NOVA1: variants seen among roughly 807,000 people sequenced by gnomAD.
NOVA1 encodes the protein NOVA alternative splicing regulator 1, also known as RNA-binding protein Nova-1.
NOVA1 carries 7 observed loss-of-function variants against 38.0 expected under a neutral mutation model. That is an observed-to-expected ratio of 0.18 (90% CI 0.10 to 0.35). The LOEUF (loss-of-function observed/expected upper bound fraction) is 0.35, where lower values mean the gene tolerates loss of function less well. Ranked by LOEUF, NOVA1 falls within the 10% of genes least tolerant of loss-of-function variation. NOVA1 has a pLI of 1.00. For missense variants in NOVA1, 460 were observed against 616.0 expected (o/e 0.75, Z 2.68); for synonymous variants, 270 against 232.5 (o/e 1.16, Z -1.47).
intron 2 of NOVA1, among the ~76,000 whole-genome samples, chr14:26,497,533 C>T (rs1235453867): frequency 6.6e-6 from 1 of 152,122 alleles, no homozygotes; most frequent in African/African-American, 2.4e-5. Flanking sequence ...TCACATAATG[C>T]TCCCTTACTG....
chr14:26,462,073 GA>G (rs1029496202), intron 4 of NOVA1, among the ~76,000 whole-genome samples: 6 of 151,900 alleles, frequency 3.9e-5, no homozygotes, highest in Admixed American at 6.6e-5. Flanking sequence ...TTGACAAAAA[GA>G]TTTTTTTTTT....
At chr14:26,514,171 T>A (rs1888294182) in intron 2 of NOVA1, among the ~76,000 whole-genome samples, 1 of 151,700 alleles carries the variant, frequency 6.6e-6, no homozygotes, top group Admixed American at 6.6e-5. Context: ...TATATCAAAA[T>A]CATATAGTTA....
intron 2 of NOVA1, among the ~76,000 whole-genome samples, chr14:26,524,539 A>G (rs983359520): frequency 3.3e-5 from 5 of 152,172 alleles, no homozygotes; most frequent in African/African-American, 4.8e-5. Flanking sequence ...GTCACATCAT[A>G]GGGAGATACA....
intron 2 of NOVA1, among the ~76,000 whole-genome samples, chr14:26,594,920 C>G (rs539125553): frequency 1.3e-5 from 2 of 152,090 alleles, no homozygotes; most frequent in Admixed American, 1.3e-4. Context: ...AGAGGCAACA[C>G]TTGTCCTCTT....
intron 4 of NOVA1, among the ~76,000 whole-genome samples, chr14:26,451,471 G>A (rs1316613961): frequency 2.0e-5 from 3 of 152,014 alleles, no homozygotes; most frequent in Non-Finnish European, 4.4e-5. Flanking sequence ...GGGTTCAAGC[G>A]ATTCTCCTGC....
intron 2 of NOVA1, among the ~76,000 whole-genome samples, chr14:26,579,159 G>A (rs993036077): frequency 1.4e-5 from 2 of 139,866 alleles, no homozygotes; most frequent in Non-Finnish European, 3.0e-5. Flanking sequence ...CCAGGTTCAA[G>A]TGACTCTCCC....
At chr14:26,483,072 T>TACAGGCATTG (rs1291466821) in intron 2 of NOVA1, among the ~76,000 whole-genome samples, 1 of 152,196 alleles carries the variant, frequency 6.6e-6, no homozygotes, top group Non-Finnish European at 1.5e-5. Flanking sequence ...CAATGTCAAA[T>TACAGGCATTG]ACAGGCATTG....
chr14:26,561,623 A>C (rs893722996), intron 2 of NOVA1, among the ~76,000 whole-genome samples: 1 of 152,214 alleles, frequency 6.6e-6, no homozygotes, highest in Admixed American at 6.5e-5. Flanking sequence ...GTGACTTACT[A>C]TTATCATAAA....
At chr14:26,492,487 G>A (rs1001243669) in intron 2 of NOVA1, among the ~76,000 whole-genome samples, 4 of 151,958 alleles carry the variant, frequency 2.6e-5, no homozygotes, top group Admixed American at 6.6e-5. Flanking sequence ...TGTTAGCTGC[G>A]GCTTTTCCAT....
At chr14:26,482,555 A>C (rs537132483) in intron 2 of NOVA1, among the ~76,000 whole-genome samples, 10 of 152,320 alleles carry the variant, frequency 6.6e-5, no homozygotes, top group African/African-American at 2.4e-4. Context: ...TTAGTATCTA[A>C]ACTAAACTGC....
chr14:26,516,955 A>C (rs1888515039), intron 2 of NOVA1, among the ~76,000 whole-genome samples: 2 of 144,400 alleles, frequency 1.4e-5, no homozygotes, highest in South Asian at 4.3e-4. Flanking sequence ...GCCCAGGCTA[A>C]AGTGCAGTGG....
At chr14:26,503,847 G>A (rs967715097) in intron 2 of NOVA1, among the ~76,000 whole-genome samples, 1 of 152,036 alleles carries the variant, frequency 6.6e-6, no homozygotes, top group African/African-American at 2.4e-5. Context: ...CATGATGAAT[G>A]AAATGAAAAA....
At chr14:26,538,595 C>T (rs1485677632) in intron 2 of NOVA1, among the ~76,000 whole-genome samples, 1 of 152,088 alleles carries the variant, frequency 6.6e-6, no homozygotes. Context: ...TTTCCTCTCA[C>T]CATTTCTACT....
At position 26,595,693 on chromosome 14, in the gene NOVA1, A is replaced by G. The variant is rs1037102750; in HGVS notation, c.137-140T>C. 7.6e-6 allele frequency: 5 copies of G among 660,024 alleles called. No individual in the cohort carries two copies. In the South Asian group the frequency reaches 1.2e-4, roughly 16 times the overall value. The allele number at this position is 660,024 out of a possible 1,614,324, so 40.9% of individuals were successfully genotyped here. ...AATATGAAGTTAAACATTTTTTGAG[A>G]ATGAAAATAAGCCAATTACATTGAA... is the stretch of plus-strand genomic sequence containing the variant. On this transcript the variant is annotated intron_variant, in intron 1 of 4. Coordinates refer to ENST00000539517, the MANE Select transcript of NOVA1 (RefSeq NM_002515.3).
At chr14:26,479,768 TAATA>T (rs2138291874) in intron 3 of NOVA1, 1 of 468,264 alleles carries the variant, frequency 2.1e-6, no homozygotes, top group Non-Finnish European at 3.7e-6. Flanking sequence ...AATGTAACAC[TAATA>T]AATGAATAAT....
intron 2 of NOVA1, among the ~76,000 whole-genome samples, chr14:26,497,912 A>C (rs1247119839): frequency 6.6e-6 from 1 of 152,208 alleles, no homozygotes; most frequent in East Asian, 1.9e-4. Flanking sequence ...ATATACTGTT[A>C]AGAAAAGAAA....
intron 2 of NOVA1, among the ~76,000 whole-genome samples, chr14:26,526,297 A>G (rs1440589818): frequency 6.6e-6 from 1 of 152,182 alleles, no homozygotes; most frequent in Non-Finnish European, 1.5e-5. Context: ...TTTTTCATCA[A>G]TTACTGAATT....
chr14:26,541,687 C>T (rs1005805745), intron 2 of NOVA1, among the ~76,000 whole-genome samples: 2 of 151,112 alleles, frequency 1.3e-5, no homozygotes, highest in African/African-American at 2.4e-5. Context: ...TCACCTTAAA[C>T]TCAGTGGAAA....
At chr14:26,488,857 G>A (rs1886118458) in intron 2 of NOVA1, among the ~76,000 whole-genome samples, 1 of 152,020 alleles carries the variant, frequency 6.6e-6, no homozygotes, top group Admixed American at 6.6e-5. Flanking sequence ...AATGGCACTT[G>A]AAATTCTTCT....
Sources: allele counts gnomAD v4.1 joint callset (sites outside exome capture counted in the v4.1 genomes callset), GRCh38; gene constraint gnomAD v4.1.1; transcripts MANE v1.5; gene names NCBI Gene and HGNC (gene_info 2026-07-23, HGNC 2026-07-21).